SCN2A: variants seen among roughly 807,000 people sequenced by gnomAD.
SCN2A encodes sodium voltage-gated channel alpha subunit 2, also known as sodium channel protein type 2 subunit alpha.
In SCN2A, 20 loss-of-function variants were observed where a neutral mutation model predicts 188.7. The ratio of observed to expected loss-of-function variants is 0.11; its 90% confidence interval spans 0.07 to 0.15. The LOEUF (loss-of-function observed/expected upper bound fraction) is 0.15. SCN2A is among the 10% of genes least tolerant of loss of function. The probability of loss-of-function intolerance (pLI) is 1.00; values close to 1 mark genes in which losing one functional copy is unlikely to be tolerated. For synonymous variants in SCN2A, 804 were observed against 833.1 expected, an observed-to-expected ratio of 0.97 and a Z score of 0.60; for missense variants, 1,278 against 2,445.0, an observed-to-expected ratio of 0.52 and a Z score of 10.07.
At chr2:165,307,572 T>C (rs1312976900) in intron 3 of SCN2A, among the ~76,000 whole-genome samples, 2 of 152,156 alleles carry the variant, frequency 1.3e-5, no homozygotes, top group Non-Finnish European at 2.9e-5. Flanking sequence ...AGTTGATAAA[T>C]TATTCACTGA....
chr2:165,242,785 AAG>A (rs1311525559), intron 1 of SCN2A, among the ~76,000 whole-genome samples: 1 of 152,206 alleles, frequency 6.6e-6, no homozygotes, highest in Non-Finnish European at 1.5e-5. Flanking sequence ...AAGGTCGTGG[AAG>A]AGACAGAAGG....
At chr2:165,291,698 C>T (rs1696213502) in intron 1 of SCN2A, among the ~76,000 whole-genome samples, 1 of 150,654 alleles carries the variant, frequency 6.6e-6, no homozygotes, top group Non-Finnish European at 1.5e-5. Context: ...GATCCTCCTG[C>T]CCTGATCTCC....
At chr2:165,365,293 G>C (rs992566308) in intron 18 of SCN2A, 30 bp downstream of exon 18, 5 of 1,612,236 alleles carry the variant, frequency 3.1e-6, no homozygotes, top group Non-Finnish European at 4.2e-6. Context: ...ATGTGGTCTT[G>C]AGTATCCTCT....
intron 4 of SCN2A, among the ~76,000 whole-genome samples, chr2:165,308,421 C>T (rs1490590077): frequency 1.3e-5 from 2 of 151,998 alleles, no homozygotes; most frequent in Admixed American, 1.3e-4. Flanking sequence ...CATATAGAGC[C>T]ACATTATTTG....
intron 1 of SCN2A, among the ~76,000 whole-genome samples, chr2:165,284,352 A>G (rs1695732612): frequency 6.6e-6 from 1 of 151,898 alleles, no homozygotes. Flanking sequence ...TTGTATTTTT[A>G]GTAGGGATGG....
At chr2:165,307,970 C>G (rs772782592) in intron 4 of SCN2A, 33 bp downstream of exon 4, 2 of 1,387,214 alleles carry the variant, frequency 1.4e-6, no homozygotes, top group Admixed American at 1.7e-5. Flanking sequence ...ATTGACCTCC[C>G]TTTATGTTTC....
At chr2:165,347,587 A>G (rs1319461906) in intron 16 of SCN2A, among the ~76,000 whole-genome samples, 1 of 152,184 alleles carries the variant, frequency 6.6e-6, no homozygotes, top group Non-Finnish European at 1.5e-5. Flanking sequence ...AACTTAGAGT[A>G]TAATAATAAT....
Position 165,389,452 on chromosome 2 carries a change from A to G in SCN2A, c.5646A>G (p.Arg1882=), listed in dbSNP as rs779098720. ...CCCTTCGAATACAGATGGAAGAGCG[A>G]TTCATGGCATCAAACCCCTCCAAAG... ...MDALRIQMEE[R]FMASNPSKVS... is the part of the protein sequence containing the mutation. The change falls in exon 27 of 27, where the codon CGA becomes CGG. Residue 1882 remains arginine, a synonymous_variant. Coordinates refer to ENST00000375437, the MANE Select transcript of SCN2A (RefSeq NM_001040142.2). This position sits in a 1 kb window ranked among gnomAD's most constrained non-coding sequence, Gnocchi z 4.2. 12 of 1,613,834 alleles carry G rather than the reference A, an allele frequency of 7.4e-6. No individual in the cohort carries two copies. The highest frequency in any genetic ancestry group is 2.2e-5 in the South Asian group (2 of 91,068).
intron 1 of SCN2A, among the ~76,000 whole-genome samples, chr2:165,287,165 A>G (rs892146568): frequency 5.9e-5 from 9 of 152,228 alleles, no homozygotes; most frequent in African/African-American, 2.2e-4. Flanking sequence ...CAAGCAGGCA[A>G]CTTGAGAGGT....
chr2:165,263,639 A>G (rs1694705730), intron 1 of SCN2A, among the ~76,000 whole-genome samples: 1 of 152,082 alleles, frequency 6.6e-6, no homozygotes, highest in African/African-American at 2.4e-5. Context: ...GTTTGAATTC[A>G]GGTAATGTGA....
chr2:165,386,283 G>A (rs781398676), intron 25 of SCN2A, among the ~76,000 whole-genome samples: 22 of 151,814 alleles, frequency 1.4e-4, no homozygotes, highest in Non-Finnish European at 2.5e-4. Flanking sequence ...GACCAATACG[G>A]TGAAATCCCG....
In SCN2A at chr2:165,388,925, C is replaced by T. The variant is rs2227897; in HGVS notation, c.5119C>T (p.Leu1707=). The T allele has an allele frequency of 6.8e-6, 11 of 1,614,018 alleles. No homozygotes were observed. In the African/African-American group the frequency reaches 8.0e-5, roughly 12 times the overall value. ...GACCTTTGGCAACAGCATGATCTGCCTGTTCCAAATTACAACCTCTGCTGG... is the reference window on the plus strand; with the variant it reads ...GACCTTTGGCAACAGCATGATCTGCTTGTTCCAAATTACAACCTCTGCTGG... ...FETFGNSMIC[L]FQITTSAGWD... The change falls in exon 27 of 27, where the codon CTG becomes TTG. Residue 1707 remains leucine (L), a synonymous_variant. Coordinates refer to ENST00000375437, the MANE Select transcript of SCN2A (RefSeq NM_001040142.2).
chr2:165,270,668 C>A (rs1695065044), intron 1 of SCN2A: 1 of 152,054 alleles, frequency 6.6e-6, no homozygotes, highest in African/African-American at 2.4e-5. Flanking sequence ...GCTTTGGTTT[C>A]TCCTATAGGT....
intron 1 of SCN2A, chr2:165,274,007 G>A (rs1328036674): frequency 2.0e-5 from 3 of 152,074 alleles, no homozygotes; most frequent in East Asian, 1.9e-4. Flanking sequence ...ACATATGTGG[G>A]CTCCTGTATC....
In SCN2A at chr2:165,310,601, A is replaced by T. The variant is rs371629371; in HGVS notation, c.970+6A>T. On this transcript the variant is annotated splice_donor_region_variant and intron_variant, in intron 7 of 26. Coordinates refer to ENST00000375437, the MANE Select transcript of SCN2A (RefSeq NM_001040142.2). ...TGAATATATTGAGGATAAAAGTAAG[A>T]TATACTCTATAAACCATTAAGTTGT... The T allele has an allele frequency of 6.3e-7, 1 of 1,599,090 alleles. No homozygotes were observed. The highest frequency in any genetic ancestry group is 1.3e-5 in the African/African-American group (1 of 74,532).
At chr2:165,279,903 A>T (rs1318368504) in intron 1 of SCN2A, among the ~76,000 whole-genome samples, 1 of 152,188 alleles carries the variant, frequency 6.6e-6, no homozygotes, top group Non-Finnish European at 1.5e-5. Flanking sequence ...GTGATAGTGA[A>T]TAAGTCTCAT....
chr2:165,324,639 A>G (rs2105279650), intron 12 of SCN2A, among the ~76,000 whole-genome samples: 1 of 152,334 alleles, frequency 6.6e-6, no homozygotes, highest in African/African-American at 2.4e-5. Context: ...TGTACCAGAC[A>G]CTGTCCAGAA....
chr2:165,337,110 G>GA (rs1459108655), intron 14 of SCN2A, among the ~76,000 whole-genome samples: 4 of 151,790 alleles, frequency 2.6e-5, no homozygotes, highest in Non-Finnish European at 4.4e-5. Flanking sequence ...AACATGAGCA[G>GA]AAAAAAATGA....
Position 165,341,130 on chromosome 2 carries a change from T to G in SCN2A, c.2389-1166T>G, listed in dbSNP as rs908518809. 6.6e-5 allele frequency among the ~76,000 whole-genome samples: 10 copies of G among 152,192 alleles called. No individual in the cohort carries two copies. In the East Asian group the frequency reaches 1.9e-3, roughly 30 times the overall value. ...GTTTTTTGAGACGGAGTCTTGCTCT[T>G]TCGCCCAGGCTGGAGTGCAGTGGCG... On this transcript the variant is annotated intron_variant, in intron 14 of 26. Coordinates refer to ENST00000375437, the MANE Select transcript of SCN2A (RefSeq NM_001040142.2).
Sources: allele counts gnomAD v4.1 joint callset (sites outside exome capture counted in the v4.1 genomes callset), GRCh38; gene constraint gnomAD v4.1.1; non-coding constraint Gnocchi (gnomAD v3.1); transcripts MANE v1.5; gene names NCBI Gene and HGNC (gene_info 2026-07-23, HGNC 2026-07-21).